The following CEP97 variants were observed in gnomAD, a reference collection of about 807,000 sequenced individuals.
CEP97 encodes the protein centrosomal protein 97.
Under a neutral mutation model 73.1 loss-of-function variants are expected in CEP97, and 43 were observed. The observed-to-expected ratio is 0.59, with a 90% CI of 0.46 to 0.76. CEP97 has a LOEUF of 0.76. Among genes scored for constraint, CEP97 ranks in the 30% least tolerant of loss-of-function variants. The pLI is 0.00. For synonymous variants in CEP97, 337 were observed against 370.0 expected (o/e 0.91, Z 1.02); for missense variants, 939 against 1,014.0 (o/e 0.93, Z 1.00).
intron 6 of CEP97, among the ~76,000 whole-genome samples, chr3:101,735,403 G>A (rs1350511927): frequency 1.3e-5 from 2 of 152,160 alleles, no homozygotes; most frequent in Non-Finnish European, 2.9e-5. Flanking sequence ...GGGGGTGGCT[G>A]GCAAGATGGC....
chr3:101,745,285 G>C (rs1938577812), intron 6 of CEP97, among the ~76,000 whole-genome samples: 1 of 152,038 alleles, frequency 6.6e-6, no homozygotes, highest in Non-Finnish European at 1.5e-5. Context: ...TTCAGAGATG[G>C]GGTCTCACAT....
At chr3:101,748,676 TGTTGCCCAGGCTGGAGTGCA>T (rs1465852770) in intron 6 of CEP97, among the ~76,000 whole-genome samples, 2 of 152,204 alleles carry the variant, frequency 1.3e-5, no homozygotes, top group African/African-American at 4.8e-5. Context: ...AGTCTCACTC[TGTTGCCCAGGCTGGAGTGCA>T]GTGGCGCAAT....
At chr3:101,757,489 G>GT in intron 8 of CEP97, 145 bp from the exon 9 acceptor site, 1 of 753,858 alleles carries the variant, frequency 1.3e-6, no homozygotes, top group Middle Eastern at 3.9e-4. Flanking sequence ...AAAATGTTTG[G>GT]TTTGATGTTT....
chr3:101,733,073 T>C (rs1487411130), intron 6 of CEP97, among the ~76,000 whole-genome samples: 1 of 152,098 alleles, frequency 6.6e-6, no homozygotes, highest in Non-Finnish European at 1.5e-5. Context: ...CAGTGAGCTA[T>C]GGTTGTGTCA....
chr3:101,736,510 A>C (rs1295962370), intron 6 of CEP97, among the ~76,000 whole-genome samples: 1 of 152,254 alleles, frequency 6.6e-6, no homozygotes, highest in African/African-American at 2.4e-5. Context: ...AGGAACAGGC[A>C]GCAATCTTTG....
chr3:101,753,548 G>T (rs1938906396), intron 6 of CEP97, among the ~76,000 whole-genome samples: 1 of 152,238 alleles, frequency 6.6e-6, no homozygotes, highest in Non-Finnish European at 1.5e-5. Flanking sequence ...GAGCTGTGGT[G>T]GGCTCCACCC....
At position 101,724,690 on chromosome 3, in the gene CEP97, G is replaced by C. The variant is rs201771736; in HGVS notation, c.14G>C (p.Arg5Pro). Residue 5 changes from arginine (R) to proline (P), a missense_variant, in exon 1 of 11, where the codon CGC becomes CCC. Transcript: ENST00000341893. MAVA[R>P]VDAALPPGEG... ...CAAGCAGCAAATATGGCGGTGGCGCGCGTGGACGCGGCTTTGCCTCCCGGA... is the reference window on the plus strand; with the variant it reads ...CAAGCAGCAAATATGGCGGTGGCGCCCGTGGACGCGGCTTTGCCTCCCGGA... 1.2e-6 allele frequency: 2 copies of C among 1,614,072 alleles called. No individual in the cohort carries two copies. Among genetic ancestry groups the C allele is most frequent in the South Asian group, 1.1e-5 (1 of 91,084 alleles).
At chr3:101,741,613 A>G (rs1938456441) in intron 6 of CEP97, among the ~76,000 whole-genome samples, 1 of 152,232 alleles carries the variant, frequency 6.6e-6, no homozygotes, top group Non-Finnish European at 1.5e-5. Flanking sequence ...ATGAACAGAT[A>G]TTTCTCAAAA....
intron 5 of CEP97, among the ~76,000 whole-genome samples, 176 bp downstream of exon 5, chr3:101,732,129 T>A (rs756427869): frequency 4.6e-5 from 7 of 152,152 alleles, no homozygotes; most frequent in Non-Finnish European, 1.0e-4. Flanking sequence ...GTCATTAAGG[T>A]CTAATTTCCT....
At position 101,726,610 on chromosome 3, in the gene CEP97, G is replaced by T; in HGVS notation, c.60G>T (p.Trp20Cys). 4 of 1,593,390 alleles carry T rather than the reference G, an allele frequency of 2.5e-6. No homozygotes were observed. The highest frequency in any genetic ancestry group is 3.4e-6 in the Non-Finnish European group (4 of 1,173,028). The change falls in exon 2 of 11, where the codon TGG becomes TGT. Residue 20 changes from tryptophan to cysteine, a missense_variant. By Grantham distance (215) the Trp-to-Cys change is radical (BLOSUM62 -2). Transcript: ENST00000341893. ...LPPGEGSVVN[W>C]SGQGLQKLGP... ...CTTTTCAAGGATCAGTGGTCAATTGGTCAGGACAGGGACTACAGAAATTAG... is the reference window on the plus strand; with the variant it reads ...CTTTTCAAGGATCAGTGGTCAATTGTTCAGGACAGGGACTACAGAAATTAG...
intron 6 of CEP97, among the ~76,000 whole-genome samples, chr3:101,750,836 A>G (rs569732522): frequency 6.6e-6 from 1 of 151,356 alleles, no homozygotes; most frequent in East Asian, 1.9e-4. Flanking sequence ...GTGGTCTATC[A>G]ATTTTGTTGA....
intron 5 of CEP97, 27 bp downstream of exon 5, chr3:101,731,980 T>C (rs770307504): frequency 1.0e-5 from 13 of 1,298,414 alleles, no homozygotes; most frequent in South Asian, 1.2e-5. Flanking sequence ...TTTTGTGAGA[T>C]TCAGGAAGCT....
chr3:101,746,406 T>C (rs1221981609), intron 6 of CEP97, among the ~76,000 whole-genome samples: 1 of 150,802 alleles, frequency 6.6e-6, no homozygotes, highest in Non-Finnish European at 1.5e-5. Context: ...TTGACAAACC[T>C]GAGAAAAACA....
At chr3:101,747,400 T>C (rs1938655306) in intron 6 of CEP97, among the ~76,000 whole-genome samples, 1 of 148,954 alleles carries the variant, frequency 6.7e-6, no homozygotes, top group Non-Finnish European at 1.5e-5. Flanking sequence ...GCTGGGACTA[T>C]AGGCGCCTGC....
chr3:101,737,623 T>A (rs528194540), intron 6 of CEP97, among the ~76,000 whole-genome samples: 1 of 152,270 alleles, frequency 6.6e-6, no homozygotes, highest in African/African-American at 2.4e-5. Flanking sequence ...TAAAATCCTT[T>A]ACACACAAGC....
At position 101,728,843 on chromosome 3, in the gene CEP97, A is replaced by C; in HGVS notation, c.353A>C (p.Glu118Ala). The change falls in exon 4 of 11, where the codon GAA becomes GCA. Residue 118 changes from glutamate to alanine, a missense_variant. Glu to Ala is a moderately radical substitution (Grantham distance 107). Coordinates refer to ENST00000341893, the MANE Select transcript of CEP97 (RefSeq NM_024548.4). ...ATGCTTTTCTTGTGATAGGCCATGG[A>C]ACAGATCAATAGCTGCACAGCTCTA... Reference protein sequence around the residue: ...NLAGNNLKAMEQINSCTALQH... With the variant: ...NLAGNNLKAMAQINSCTALQH... 6.3e-7 allele frequency: 1 copy of C among 1,599,714 alleles called. No individual in the cohort carries two copies. The highest frequency in any genetic ancestry group is 2.2e-5 in the East Asian group (1 of 44,796).
intron 6 of CEP97, among the ~76,000 whole-genome samples, chr3:101,735,633 G>C (rs1270680097): frequency 6.6e-6 from 1 of 152,146 alleles, no homozygotes; most frequent in East Asian, 1.9e-4. Flanking sequence ...AAGCCGTGAG[G>C]GACTGTGCTG....
In CEP97 at chr3:101,766,945, T is replaced by C. The variant is rs377738974; in HGVS notation, c.*1394T>C. ...ACATGGTACGTGGCATTTGTTGTTA[T>C]TGTTTTTTAAAGAGATGGAGGCTGG... is the stretch of plus-strand genomic sequence containing the variant. On this transcript the variant is annotated 3_prime_UTR_variant, in exon 11 of 11. Transcript: ENST00000341893. 7 of 152,290 alleles carry C rather than the reference T, an allele frequency of 4.6e-5. No individual in the cohort carries two copies. The East Asian group carries it at 7.7e-4, about 17-fold the overall frequency. 9.4% of individuals were successfully genotyped at this position (152,290 alleles called of 1,614,324 possible).
At chr3:101,727,996 T>C (rs547288522) in intron 3 of CEP97, among the ~76,000 whole-genome samples, 39 of 152,346 alleles carry the variant, frequency 2.6e-4, no homozygotes, top group African/African-American at 8.4e-4. Flanking sequence ...TGCCTTTTAT[T>C]GAGCCATTAA....
Sources: allele counts gnomAD v4.1 joint callset (sites outside exome capture counted in the v4.1 genomes callset), GRCh38; gene constraint gnomAD v4.1.1; transcripts MANE v1.5; gene names NCBI Gene and HGNC (gene_info 2026-07-23, HGNC 2026-07-21).